Variants in CDH2 observed in about 807,000 individuals in gnomAD.
The protein encoded by CDH2 is cadherin 2.
CDH2 carries 17 observed loss-of-function variants against 92.0 expected under a neutral mutation model. The ratio of observed to expected loss-of-function variants is 0.18; its 90% CI spans 0.13 to 0.28. The LOEUF (loss-of-function observed/expected upper bound fraction) is 0.28. CDH2 is among the 10% of genes least tolerant of loss of function. CDH2 has a pLI of 1.00. For missense variants in CDH2, 862 were observed against 1,133.1 expected (o/e 0.76, Z 3.44); for synonymous variants, 419 against 415.9 (o/e 1.01, Z -0.09).
At chr18:28,076,522 A>G (rs1227578655) in intron 2 of CDH2, among the ~76,000 whole-genome samples, 1 of 152,088 alleles carries the variant, frequency 6.6e-6, no homozygotes, top group Non-Finnish European at 1.5e-5. Context: ...ATTTTTTAAC[A>G]TTTTAGATAC....
chr18:28,043,857 C>T (rs17493996), intron 2 of CDH2, among the ~76,000 whole-genome samples: 1,803 of 143,428 alleles, frequency 0.013, 47 homozygotes, highest in African/African-American at 0.044. Flanking sequence ...GGCTGGGCCA[C>T]TCATCTCAGT....
chr18:28,058,546 T>C (rs996024709), intron 2 of CDH2, among the ~76,000 whole-genome samples: 4 of 152,200 alleles, frequency 2.6e-5, no homozygotes, highest in Non-Finnish European at 5.9e-5. Context: ...TGGATGGTGT[T>C]TTCTAAGAAA....
intron 2 of CDH2, among the ~76,000 whole-genome samples, chr18:28,099,007 A>G (rs72884213): frequency 7.4e-4 from 113 of 152,274 alleles, no homozygotes; most frequent in Non-Finnish European, 1.3e-3. Flanking sequence ...CTATAAACAG[A>G]AGTCTCTCCA....
chr18:28,121,951 G>A (rs1210181493), intron 2 of CDH2, among the ~76,000 whole-genome samples: 2 of 152,018 alleles, frequency 1.3e-5, no homozygotes, highest in Non-Finnish European at 2.9e-5. Flanking sequence ...GATTTCCTTC[G>A]GTAGAGAAAG....
chr18:28,127,014 C>G (rs910113496), intron 2 of CDH2, among the ~76,000 whole-genome samples: 1 of 152,098 alleles, frequency 6.6e-6, no homozygotes, highest in African/African-American at 2.4e-5. Context: ...CCCAAAGGTC[C>G]CACTTGGCCA....
chr18:28,072,087 C>G (rs1020030553), intron 2 of CDH2, among the ~76,000 whole-genome samples: 2 of 152,010 alleles, frequency 1.3e-5, no homozygotes, highest in African/African-American at 4.8e-5. Flanking sequence ...ATTCTCTCTG[C>G]CTTGAAACTC....
At chr18:27,947,951 G>A (rs893710289), downstream of CDH2, among the ~76,000 whole-genome samples, 1 of 148,306 alleles carries the variant, frequency 6.7e-6, no homozygotes, top group Admixed American at 6.8e-5. Flanking sequence ...GTGTGTATAC[G>A]GTAAAGAATG....
intron 7 of CDH2, among the ~76,000 whole-genome samples, chr18:28,002,519 C>A (rs532242706): frequency 6.6e-6 from 1 of 152,104 alleles, no homozygotes; most frequent in Non-Finnish European, 1.5e-5. Flanking sequence ...AGTTAAGGGG[C>A]TAGTTCTAAT....
chr18:28,140,015 C>T (rs535759284), intron 2 of CDH2, among the ~76,000 whole-genome samples: 27 of 152,072 alleles, frequency 1.8e-4, no homozygotes, highest in Non-Finnish European at 2.9e-4. Flanking sequence ...CTTCACAGTG[C>T]TCAAACACCA....
At chr18:28,011,124 T>C (rs2013087112) in intron 4 of CDH2, among the ~76,000 whole-genome samples, 1 of 152,116 alleles carries the variant, frequency 6.6e-6, no homozygotes, top group Non-Finnish European at 1.5e-5. Flanking sequence ...TCAGTAAGTA[T>C]GTGTTAGAAT....
chr18:27,975,562 G>A (rs781575467), intron 14 of CDH2, among the ~76,000 whole-genome samples: 13 of 152,314 alleles, frequency 8.5e-5, no homozygotes, highest in African/African-American at 1.2e-4. Context: ...CTGTGGTGGC[G>A]TCTAGGTGGG....
intron 1 of CDH2, among the ~76,000 whole-genome samples, chr18:28,156,705 C>T (rs34549113): frequency 9.2e-4 from 79 of 86,120 alleles, no homozygotes; most frequent in African/African-American, 4.4e-3. Context: ...TTCCCAGGTA[C>T]AGCATGTCAC....
In CDH2 at chr18:28,043,461, AATATATATATATATATAT is replaced by A. The variant is rs1158754890; in HGVS notation, c.173-29570_173-29553del. ...ACCCTAAAAATTACTGATATAAATA[AATATATATATATATATAT>A]ATATATATATATATAAATATATATA... is the stretch of plus-strand genomic sequence containing the variant. On this transcript the variant is annotated intron_variant, in intron 2 of 15. Transcript: ENST00000269141. 1.5e-4 allele frequency among the ~76,000 whole-genome samples: 11 copies of A among 71,968 alleles called. No homozygotes were observed. The South Asian group carries it at 3.2e-3, about 21-fold the overall frequency. The allele number at this position is 71,968 out of a possible 152,430, so 47.2% of individuals were successfully genotyped here.
chr18:27,987,031 A>G (rs1210120811), intron 11 of CDH2, among the ~76,000 whole-genome samples: 2 of 152,358 alleles, frequency 1.3e-5, no homozygotes, highest in African/African-American at 4.8e-5. Flanking sequence ...ATTGCAAAGC[A>G]TCACAGCTAC....
intron 1 of CDH2, among the ~76,000 whole-genome samples, chr18:28,161,612 A>G (rs2016307942): frequency 6.6e-6 from 1 of 151,402 alleles, no homozygotes; most frequent in South Asian, 2.1e-4. Flanking sequence ...GCAAAGCTAT[A>G]GATCTTCCAA....
intron 2 of CDH2, among the ~76,000 whole-genome samples, chr18:28,117,980 T>C (rs1462849142): frequency 1.3e-5 from 2 of 152,130 alleles, no homozygotes; most frequent in Non-Finnish European, 2.9e-5. Flanking sequence ...TTCATCTGAC[T>C]TAATTTATTA....
intron 1 of CDH2, among the ~76,000 whole-genome samples, chr18:28,176,035 G>T (rs1055619190): frequency 3.3e-5 from 5 of 152,228 alleles, no homozygotes; most frequent in Non-Finnish European, 7.3e-5. Context: ...GGCTGCCCCC[G>T]GGCTGGGAAC....
At chr18:27,987,049 A>G (rs753912802) in intron 11 of CDH2, among the ~76,000 whole-genome samples, 1 of 152,222 alleles carries the variant, frequency 6.6e-6, no homozygotes, top group Non-Finnish European at 1.5e-5. Context: ...TACATACATT[A>G]TAACAGGTCA....
At chr18:28,059,835 T>C (rs528256963) in intron 2 of CDH2, among the ~76,000 whole-genome samples, 1 of 152,244 alleles carries the variant, frequency 6.6e-6, no homozygotes, top group African/African-American at 2.4e-5. Context: ...ATGAGATTGG[T>C]TGATAGGTCT....
Sources: allele counts gnomAD v4.1 joint callset (sites outside exome capture counted in the v4.1 genomes callset), GRCh38; gene constraint gnomAD v4.1.1; transcripts MANE v1.5; gene names NCBI Gene and HGNC (gene_info 2026-07-23, HGNC 2026-07-21).